The following HEATR4 variants were observed in gnomAD, a reference collection of about 807,000 sequenced individuals.
HEATR4 encodes the protein HEAT repeat-containing protein 4.
HEATR4 carries 95 observed loss-of-function variants against 108.8 expected under a neutral mutation model. The ratio of observed to expected loss-of-function variants is 0.87; its 90% confidence interval spans 0.74 to 1.04. The LOEUF (loss-of-function observed/expected upper bound fraction) is 1.04, where lower values mean the gene tolerates loss of function less well. HEATR4 is among the 50% of genes least tolerant of loss of function. HEATR4 has a pLI of 0.00. For missense variants in HEATR4, 1,152 were observed against 1,253.8 expected (o/e 0.92, Z 1.23); for synonymous variants, 443 against 459.4 (o/e 0.96, Z 0.46).
chr14:73,558,417 C>T lies in HEATR4; in HGVS notation c.-152+334G>A, dbSNP rs1302523930. On this transcript the variant is annotated intron_variant, in intron 1 of 17. Coordinates refer to ENST00000553558, the MANE Select transcript of HEATR4 (RefSeq NM_001220484.1). ...GTCTCACTCTCCTGGAGTACAGTGG[C>T]GTGATCATGACTCACTGCAGCCTTG... 3.1e-4 allele frequency among the ~76,000 whole-genome samples: 42 copies of T among 134,684 alleles called. 3 individuals are homozygous for T. Among genetic ancestry groups the T allele is most frequent in the Non-Finnish European group, 5.7e-4 (36 of 63,050 alleles). The allele number at this position is 134,684 out of a possible 152,430, so 88.4% of individuals were successfully genotyped here. A position where few individuals can be genotyped will look rare whatever the true frequency, so the allele number is the denominator to read the frequency against.
intron 17 of HEATR4, among the ~76,000 whole-genome samples, chr14:73,481,442 GA>G (rs1026890092): frequency 3.3e-5 from 5 of 149,772 alleles, no homozygotes; most frequent in Non-Finnish European, 7.4e-5. Flanking sequence ...GTGTCTCAAA[GA>G]AAAAAAAAGA....
chr14:73,567,402 G>T, the HEATR4 span, among the ~76,000 whole-genome samples: 3 of 152,068 alleles, frequency 2.0e-5, no homozygotes, highest in African/African-American at 7.2e-5. Context: ...TCTAGCTAAA[G>T]GATTGTAAAT....
chr14:73,514,589 G>A (rs76369514), intron 5 of HEATR4, among the ~76,000 whole-genome samples: 15,354 of 152,144 alleles, frequency 0.1, 1,148 homozygotes, highest in Non-Finnish European at 0.15. Context: ...TATTTGATAC[G>A]TTGCAATTTA....
chr14:73,609,881 C>T, the HEATR4 span, among the ~76,000 whole-genome samples: 4 of 152,088 alleles, frequency 2.6e-5, no homozygotes, highest in Non-Finnish European at 2.9e-5. Context: ...CCTCGTGATC[C>T]ACCCGCCTCA....
chr14:73,600,803 G>C, the HEATR4 span, among the ~76,000 whole-genome samples: 1 of 151,962 alleles, frequency 6.6e-6, no homozygotes, highest in African/African-American at 2.4e-5. Flanking sequence ...AATCTCAGTG[G>C]GTTTCACTCC....
chr14:73,599,783 C>G, the HEATR4 span, among the ~76,000 whole-genome samples: 1 of 152,132 alleles, frequency 6.6e-6, no homozygotes, highest in Non-Finnish European at 1.5e-5. Context: ...AGGAGAGTGG[C>G]AAGGTTCTGG....
chr14:73,524,805 A>T (rs989644949), intron 2 of HEATR4, among the ~76,000 whole-genome samples: 9 of 151,828 alleles, frequency 5.9e-5, no homozygotes, highest in Non-Finnish European at 1.2e-4. Flanking sequence ...GATGAAGGAG[A>T]GACCATTATT....
chr14:73,614,669 C>T, the HEATR4 span, among the ~76,000 whole-genome samples: 1 of 151,226 alleles, frequency 6.6e-6, no homozygotes, highest in Non-Finnish European at 1.5e-5. Flanking sequence ...ATCGCTTGAA[C>T]CCGGGAGGCT....
At chr14:73,500,789 A>C in intron 11 of HEATR4, 59 bp from the exon 12 acceptor site, 4 of 1,479,442 alleles carry the variant, frequency 2.7e-6, no homozygotes, top group Non-Finnish European at 3.7e-6. Flanking sequence ...CTAACCCCCA[A>C]CCCCCACTAA....
rs1889405862 is a variant in HEATR4, at chr14:73,556,912, TAAAA to T, written c.-152+1835_-152+1838del. 1.8e-5 allele frequency among the ~76,000 whole-genome samples: 2 copies of T among 112,716 alleles called. 1 individual carries two copies. The highest frequency in any genetic ancestry group is 2.0e-4 in the Admixed American group (2 of 9,790). The allele number at this position is 112,716 out of a possible 152,430, so 73.9% of individuals were successfully genotyped here. On this transcript the variant is annotated intron_variant, in intron 1 of 17. Coordinates refer to ENST00000553558, the MANE Select transcript of HEATR4 (RefSeq NM_001220484.1). ...TTAGGGCTATGGGGTACTCAGCAATTAAAAGAGAGGGTGCTTAGAGAAGAAAGAA... is the reference window on the plus strand; with the variant it reads ...TTAGGGCTATGGGGTACTCAGCAATTGAGAGGGTGCTTAGAGAAGAAAGAA...
At position 73,508,282 on chromosome 14, in the gene HEATR4, T is replaced by G; in HGVS notation, c.1733A>C (p.Asp578Ala). ...QTALLKGNSVDSWAAAQCLAL... is the reference protein window; with the variant it reads ...QTALLKGNSVASWAAAQCLAL... The stretch of plus-strand genomic sequence containing the variant: ...CAAGCACTGAGCTGCAGCCCAGCTA[T>G]CCACACTGTTACCTGCCACAGTTGG... Residue 578 changes from aspartate (D) to alanine (A), a missense_variant, in exon 9 of 18, where the codon GAT (aspartate) becomes GCT (alanine). Coordinates refer to ENST00000553558, the MANE Select transcript of HEATR4 (RefSeq NM_001220484.1). 1 of 1,613,818 alleles carries G rather than the reference T, an allele frequency of 6.2e-7. No homozygotes were observed. The highest frequency in any genetic ancestry group is 8.5e-7 in the Non-Finnish European group (1 of 1,179,986).
intron 2 of HEATR4, among the ~76,000 whole-genome samples, chr14:73,526,260 G>A (rs1888329605): frequency 6.6e-6 from 1 of 152,208 alleles, no homozygotes; most frequent in South Asian, 2.1e-4. Flanking sequence ...CTGGGCCAGA[G>A]GAGAATCCTC....
intron 1 of HEATR4, chr14:73,537,136 C>G: frequency 3.1e-6 from 1 of 327,590 alleles, no homozygotes; most frequent in South Asian, 3.4e-5. Flanking sequence ...CAGTCCTGGC[C>G]CAGCCCATTC....
the HEATR4 span, chr14:73,575,650 C>G: frequency 6.8e-7 from 1 of 1,471,922 alleles, no homozygotes; most frequent in Non-Finnish European, 9.1e-7. Flanking sequence ...ATGAATTTAC[C>G]AGTAAGAATG....
In HEATR4 at chr14:73,533,689, T is replaced by A. The variant is rs1358468731; in HGVS notation, c.-151-3445A>T. Reference sequence around the variant, plus strand: ...AGCAAGACTCCAAAAGTTCTGGAAATGGATAATGGTGATAGTTGTACAACA... The same window carrying A: ...AGCAAGACTCCAAAAGTTCTGGAAAAGGATAATGGTGATAGTTGTACAACA... On this transcript the variant is annotated intron_variant, in intron 1 of 17. Coordinates refer to ENST00000553558, the MANE Select transcript of HEATR4 (RefSeq NM_001220484.1). 2.8e-5 allele frequency among the ~76,000 whole-genome samples: 3 copies of A among 106,486 alleles called. 1 individual carries two copies. The highest frequency in any genetic ancestry group is 6.0e-5 in the Non-Finnish European group (3 of 49,674). The allele number at this position is 106,486 out of a possible 152,430, so 69.9% of individuals were successfully genotyped here.
At chr14:73,564,452 A>T in the HEATR4 span, among the ~76,000 whole-genome samples, 3,312 of 151,680 alleles carry the variant, frequency 0.022, 124 homozygotes, top group African/African-American at 0.076. Context: ...AAATAATTTT[A>T]AAAATTAGCC....
the HEATR4 span, among the ~76,000 whole-genome samples, chr14:73,629,829 A>T: frequency 6.6e-6 from 1 of 151,744 alleles, no homozygotes; most frequent in African/African-American, 2.4e-5. Flanking sequence ...GTATTTTTTT[A>T]GTAGAGACGG....
intron 10 of HEATR4, 24 bp from the exon 11 acceptor site, chr14:73,503,037 G>T: frequency 5.9e-6 from 9 of 1,535,314 alleles, no homozygotes; most frequent in Non-Finnish European, 8.1e-6. Flanking sequence ...TGATCATTAG[G>T]TATCATCACT....
At chr14:73,575,857 A>G in the HEATR4 span, among the ~76,000 whole-genome samples, 1 of 151,978 alleles carries the variant, frequency 6.6e-6, no homozygotes, top group Non-Finnish European at 1.5e-5. Context: ...TATTTGCTGA[A>G]TGAGTATAAG....
Sources: allele counts gnomAD v4.1 joint callset (sites outside exome capture counted in the v4.1 genomes callset), GRCh38; gene constraint gnomAD v4.1.1; transcripts MANE v1.5; gene names NCBI Gene and HGNC (gene_info 2026-07-23, HGNC 2026-07-21).